The following PCDHGA7 variants were observed in gnomAD, a reference collection of about 807,000 sequenced individuals.
PCDHGA7 encodes protocadherin gamma-A7.
A neutral mutation model predicts 58.3 loss-of-function variants in PCDHGA7; 44 were observed. The ratio of observed to expected loss-of-function variants is 0.75; its 90% CI spans 0.59 to 0.97. PCDHGA7 has a LOEUF of 0.97. PCDHGA7 is among the 50% of genes least tolerant of loss of function. PCDHGA7 has a pLI of 0.00. For synonymous variants in PCDHGA7, 516 were observed against 504.2 expected, an observed-to-expected ratio of 1.02 and a Z score of -0.31; for missense variants, 1,266 against 1,188.7, an observed-to-expected ratio of 1.06 and a Z score of -0.96.
At chr5:141,388,893 G>C in intron 1 of PCDHGA7, 2 of 1,613,982 alleles carry the variant, frequency 1.2e-6, no homozygotes, top group South Asian at 2.2e-5. Flanking sequence ...AGAAGTCATA[G>C]ATGAAAATGA....
chr5:141,419,108 G>C (rs1449189374), intron 1 of PCDHGA7: 2 of 1,613,792 alleles, frequency 1.2e-6, no homozygotes, highest in African/African-American at 1.3e-5. Flanking sequence ...GCAGACCCCA[G>C]AGTACAACGT....
chr5:141,490,051 G>A lies in PCDHGA7; in HGVS notation c.2425-4756G>A, dbSNP rs779280988. The A allele has an allele frequency of 6.2e-6, 10 of 1,614,094 alleles. No homozygotes were observed. Among genetic ancestry groups the A allele is most frequent in the Admixed American group, 5.0e-5 (3 of 60,012 alleles). ...CCGCCTCAATGCCACTGATCCAGAC[G>A]AGGGCACCAACGGCCAACTAGACTA... On this transcript the variant is annotated intron_variant, in intron 1 of 3. Coordinates refer to ENST00000518325, the MANE Select transcript of PCDHGA7 (RefSeq NM_018920.4). The surrounding 1 kb of genome is among the most constrained non-coding windows in gnomAD (Gnocchi z 5.4).
chr5:141,425,348 A>C (rs2096869744), intron 1 of PCDHGA7, among the ~76,000 whole-genome samples: 1 of 152,242 alleles, frequency 6.6e-6, no homozygotes, highest in Non-Finnish European at 1.5e-5. Context: ...GTTGGCTTTG[A>C]AATGTGATAT....
Position 141,494,770 on chromosome 5 carries a change from C to T in PCDHGA7, c.2425-37C>T, listed in dbSNP as rs767006872. 43 of 1,614,022 alleles carry T rather than the reference C, an allele frequency of 2.7e-5. No homozygotes were observed. In the East Asian group the frequency reaches 7.6e-4, roughly 28 times the overall value. On this transcript the variant is annotated intron_variant, in intron 1 of 3. Coordinates refer to ENST00000518325, the MANE Select transcript of PCDHGA7 (RefSeq NM_018920.4). ...GCTCGGGTGACATTCTAACTTCTCA[C>T]GGGTACTCAGCCCCTTTCCCTCTGT...
At chr5:141,386,384 A>G (rs1033532471) in intron 1 of PCDHGA7, among the ~76,000 whole-genome samples, 6 of 152,220 alleles carry the variant, frequency 3.9e-5, no homozygotes, top group Non-Finnish European at 8.8e-5. Flanking sequence ...TATTAATTAA[A>G]AACACACTTT....
chr5:141,409,328 T>A, intron 1 of PCDHGA7: 3 of 1,613,926 alleles, frequency 1.9e-6, no homozygotes, highest in Non-Finnish European at 2.5e-6. Context: ...GGATCTGGAT[T>A]TCGGAGGAAA....
Position 141,477,535 on chromosome 5 carries a change from G to A in PCDHGA7, c.2425-17272G>A, listed in dbSNP as rs2099412713. ...ACATTGAAGAAAACAACCTCCCCGG[G>A]GCTCCAATACTAAACCTAAGTGTCT... On this transcript the variant is annotated intron_variant, in intron 1 of 3. Transcript: ENST00000518325. The surrounding 1 kb of genome is among the most constrained non-coding windows in gnomAD (Gnocchi z 4.9). 1.2e-6 allele frequency: 2 copies of A among 1,613,936 alleles called. No homozygotes were observed. The highest frequency in any genetic ancestry group is 2.7e-5 in the African/African-American group (2 of 74,866).
At position 141,487,796 on chromosome 5, in the gene PCDHGA7, T is replaced by C. The variant is rs766798983; in HGVS notation, c.2425-7011T>C. ...TAACTGTTTCGTGAATTAACCAGAG[T>C]TGTCACAGTTTAGCATTGGGGGCGG... On this transcript the variant is annotated intron_variant, in intron 1 of 3. Coordinates refer to ENST00000518325, the MANE Select transcript of PCDHGA7 (RefSeq NM_018920.4). The surrounding 1 kb of genome is among the most constrained non-coding windows in gnomAD (Gnocchi z 5.0). 15 of 1,498,660 alleles carry C rather than the reference T, an allele frequency of 1.0e-5. No homozygotes were observed. The highest frequency in any genetic ancestry group is 1.4e-5 in the Non-Finnish European group (15 of 1,110,900). 92.8% of individuals were successfully genotyped at this position (1,498,660 alleles called of 1,614,324 possible). A position where few individuals can be genotyped will look rare whatever the true frequency, so the allele number is the denominator to read the frequency against.
chr5:141,410,455 T>G (rs2095396076), intron 1 of PCDHGA7: 3 of 1,613,914 alleles, frequency 1.9e-6, no homozygotes, highest in African/African-American at 2.7e-5. Flanking sequence ...TGCCTTATTC[T>G]TATAATCTGT....
At chr5:141,419,254 C>A in intron 1 of PCDHGA7, 1 of 1,614,020 alleles carries the variant, frequency 6.2e-7, no homozygotes, top group Non-Finnish European at 8.5e-7. Context: ...CAGAAAACAA[C>A]CAGCCGGGTG....
rs201394036 is a variant in PCDHGA7 at position 141,385,181 on chromosome 5, C to A, written c.2282C>A (p.Ala761Glu). The change falls in exon 1 of 4, where the codon GCG becomes GAG. Residue 761 changes from alanine (A) to glutamate (E), a missense_variant. Physicochemically the swap from Ala to Glu is moderately radical, Grantham distance 107. Coordinates refer to ENST00000518325, the MANE Select transcript of PCDHGA7 (RefSeq NM_018920.4). ...TATTCCCATGAGGTCTCCCTCACCGCGGACTCTCGGAAGAGTCACCTGATC... is the reference window on the plus strand; with the variant it reads ...TATTCCCATGAGGTCTCCCTCACCGAGGACTCTCGGAAGAGTCACCTGATC... ...QTYSHEVSLT[A>E]DSRKSHLIFP... 2.3e-4 allele frequency: 371 copies of A among 1,614,202 alleles called. 1 individual carries two copies. The highest frequency in any genetic ancestry group is 2.9e-4 in the Non-Finnish European group (346 of 1,180,040).
In PCDHGA7 at chr5:141,460,999, G is replaced by GTA. The variant is rs1350972422; in HGVS notation, c.2425-33797_2425-33796dup. Reference sequence around the variant, plus strand: ...TGTGTGTGTGTATATATATATATGTGTATATATATATACCACATTTTCTTT... The same window carrying GTA: ...TGTGTGTGTGTATATATATATATGTGTATATATATATATACCACATTTTCTTT... On this transcript the variant is annotated intron_variant, in intron 1 of 3. Coordinates refer to ENST00000518325, the MANE Select transcript of PCDHGA7 (RefSeq NM_018920.4). Among the ~76,000 whole-genome samples, 54 of 149,566 alleles carry GTA rather than the reference G, an allele frequency of 3.6e-4. No homozygotes were observed. The South Asian group carries it at 4.2e-3, about 12-fold the overall frequency.
Position 141,389,845 on chromosome 5 carries a change from C to A in PCDHGA7, c.2424+4522C>A, listed in dbSNP as rs572208776. 5.0e-5 allele frequency: 80 copies of A among 1,614,054 alleles called. No homozygotes were observed. In the Admixed American group the frequency reaches 1.3e-3, roughly 27 times the overall value. On this transcript the variant is annotated intron_variant, in intron 1 of 3. Transcript: ENST00000518325. ...GACGGTGGACAGCCACCACTCTCGG[C>A]CACTGCCACGTTGCACCTGGTCTTC...
chr5:141,396,042 A>G (rs2093337325), intron 1 of PCDHGA7: 2 of 152,260 alleles, frequency 1.3e-5, no homozygotes, highest in Non-Finnish European at 2.9e-5. Context: ...ACATATTTCA[A>G]TACAATTCCA....
Position 141,464,802 on chromosome 5 carries a change from A to G in PCDHGA7, c.2425-30005A>G, listed in dbSNP as rs545738780. ...TGCCCAGGCCAAATTGCAGTGATGC[A>G]GTCATAGCTCACTGTAGCCTCGCAC... On this transcript the variant is annotated intron_variant, in intron 1 of 3. Transcript: ENST00000518325. Among the ~76,000 whole-genome samples, 25 of 152,032 alleles carry G rather than the reference A, an allele frequency of 1.6e-4. No homozygotes were observed. In the East Asian group the frequency reaches 4.8e-3, roughly 29 times the overall value.
Position 141,419,293 on chromosome 5 carries a change from C to A in PCDHGA7, c.2424+33970C>A, listed in dbSNP as rs748856660. 1.5e-5 allele frequency: 25 copies of A among 1,614,026 alleles called. No individual in the cohort carries two copies. The African/African-American group carries it at 3.2e-4, about 21-fold the overall frequency. Reference sequence around the variant, plus strand: ...CCATAGCGCAAGTCAGTGCCTCTGACCCAGACTTCGGGCTCAACGGCCGTG... The same window carrying A: ...CCATAGCGCAAGTCAGTGCCTCTGAACCAGACTTCGGGCTCAACGGCCGTG... On this transcript the variant is annotated intron_variant, in intron 1 of 3. Transcript: ENST00000518325.
intron 1 of PCDHGA7, among the ~76,000 whole-genome samples, chr5:141,479,138 T>G (rs1469363480): frequency 6.6e-6 from 1 of 152,232 alleles, no homozygotes; most frequent in Non-Finnish European, 1.5e-5. Flanking sequence ...GCACCCTGCT[T>G]ACAAAATATT....
intron 1 of PCDHGA7, chr5:141,415,950 A>G (rs996935488): frequency 4.0e-6 from 2 of 498,646 alleles, no homozygotes; most frequent in Non-Finnish European, 6.1e-6. Flanking sequence ...GGGTGGTCAC[A>G]TATTGAAACT....
chr5:141,496,802 A>G (rs1483438160), intron 2 of PCDHGA7, among the ~76,000 whole-genome samples: 1 of 152,050 alleles, frequency 6.6e-6, no homozygotes, highest in Admixed American at 6.6e-5. Flanking sequence ...ACATTGGGCT[A>G]TAGGAGTGAA....
Sources: gnomAD v4.1 joint callset for allele counts (sites outside exome capture counted in the v4.1 genomes callset) on GRCh38, gnomAD v4.1.1 for gene constraint, Gnocchi (gnomAD v3.1) non-coding constraint, MANE v1.5 for transcripts, NCBI Gene and HGNC (gene_info 2026-07-23, HGNC 2026-07-21) for gene names.